MAEA: variants seen among roughly 807,000 people sequenced by gnomAD.
MAEA encodes the protein macrophage erythroblast attacher, E3 ubiquitin ligase.
Under a neutral mutation model 46.2 loss-of-function variants are expected in MAEA, and 22 were observed. The ratio of observed to expected loss-of-function variants is 0.48; its 90% CI spans 0.34 to 0.68. The LOEUF is 0.68. Ranked by LOEUF, MAEA falls within the 30% of genes least tolerant of loss-of-function variation. The pLI, the probability that MAEA is intolerant of heterozygous loss-of-function variation, is 0.01. For synonymous variants in MAEA, 246 were observed against 222.6 expected, an observed-to-expected ratio of 1.11 and a Z score of -0.94; for missense variants, 393 against 558.1, an observed-to-expected ratio of 0.70 and a Z score of 2.98.
intron 1 of MAEA, among the ~76,000 whole-genome samples, chr4:1,303,190 C>A (rs111512809): frequency 7.1e-6 from 1 of 141,258 alleles, no homozygotes; most frequent in Non-Finnish European, 1.5e-5. Context: ...AGATTGAGAC[C>A]GTCCTGGCCA....
chr4:1,318,579 G>T (rs11929975), intron 3 of MAEA, among the ~76,000 whole-genome samples: 1,604 of 152,274 alleles, frequency 0.011, 26 homozygotes, highest in African/African-American at 0.036. Flanking sequence ...GGGTTGCGGG[G>T]GAGGGGTTCT....
intron 2 of MAEA, among the ~76,000 whole-genome samples, chr4:1,314,701 A>G (rs534182112): frequency 6.6e-6 from 1 of 152,366 alleles, no homozygotes; most frequent in East Asian, 1.9e-4. Flanking sequence ...GGAACTGAAG[A>G]AAACAGAGAC....
chr4:1,321,474 C>T (rs971547755), intron 3 of MAEA, among the ~76,000 whole-genome samples: 2 of 151,970 alleles, frequency 1.3e-5, no homozygotes, highest in African/African-American at 4.9e-5. Flanking sequence ...AACAAGAAAT[C>T]ATGAAAGAAA....
intron 1 of MAEA, among the ~76,000 whole-genome samples, chr4:1,294,094 CT>C (rs1416708868): frequency 2.0e-5 from 3 of 152,218 alleles, no homozygotes; most frequent in Non-Finnish European, 4.4e-5. Flanking sequence ...CTGTGGCCGG[CT>C]TTTTCGATGT....
At chr4:1,309,035 G>A (rs986855604) in intron 1 of MAEA, among the ~76,000 whole-genome samples, 5 of 152,090 alleles carry the variant, frequency 3.3e-5, no homozygotes, top group African/African-American at 4.8e-5. Context: ...TATCTTCTGC[G>A]GGCTCATCTC....
chr4:1,309,456 TG>T, intron 1 of MAEA: 1 of 1,314,530 alleles, frequency 7.6e-7, no homozygotes, highest in Non-Finnish European at 9.7e-7. Flanking sequence ...CTGGCTCCTC[TG>T]GGGGGCGTGG....
intron 1 of MAEA, among the ~76,000 whole-genome samples, chr4:1,306,922 G>C (rs992551768): frequency 1.3e-5 from 2 of 152,176 alleles, no homozygotes; most frequent in Non-Finnish European, 2.9e-5. Context: ...GGCTGTTGCA[G>C]AGACTGTCCT....
chr4:1,332,913 A>G, intron 6 of MAEA, 48 bp downstream of exon 6: 2 of 1,452,496 alleles, frequency 1.4e-6, no homozygotes, highest in South Asian at 1.2e-5. Context: ...GTGGGGATCC[A>G]GGGTGTGTCT....
intron 3 of MAEA, 76 bp downstream of exon 3, chr4:1,315,676 C>G (rs978251315): frequency 1.4e-6 from 2 of 1,425,328 alleles, no homozygotes; most frequent in Admixed American, 1.8e-5. Context: ...TGGCATGTCC[C>G]CCGGCATGCC....
intron 5 of MAEA, chr4:1,330,328 C>CTCTCTCTCT (rs1577226687): frequency 2.8e-4 from 45 of 159,310 alleles, no homozygotes; most frequent in African/African-American, 3.4e-4. Flanking sequence ...CTCTCTCTTT[C>CTCTCTCTCT]CGTGTGTGTG....
chr4:1,321,873 G>T (rs866307328), intron 3 of MAEA, among the ~76,000 whole-genome samples: 2,520 of 140,226 alleles, frequency 0.018, 48 homozygotes, highest in South Asian at 0.029. Flanking sequence ...TTTTTTTGTT[G>T]TTTTTTTTTT....
rs184949458 is a variant in MAEA, at chr4:1,334,989, G to C, written c.766-1872G>C. ...CTGAGAAGCTTACAGAGACTGATGG[G>C]TGACGTCCCCTGATGACCACCTCCC... On this transcript the variant is annotated intron_variant, in intron 6 of 8. Coordinates refer to ENST00000303400, the MANE Select transcript of MAEA (RefSeq NM_001017405.3). 1,110 of 985,408 alleles carry C rather than the reference G, an allele frequency of 1.1e-3. 10 individuals are homozygous for C. The African/African-American group carries it at 0.018, about 16-fold the overall frequency. The allele number at this position is 985,408 out of a possible 1,614,324, so 61.0% of individuals were successfully genotyped here.
intron 3 of MAEA, among the ~76,000 whole-genome samples, chr4:1,316,498 G>C (rs779483000): frequency 2.0e-5 from 3 of 152,134 alleles, no homozygotes; most frequent in Non-Finnish European, 2.9e-5. Flanking sequence ...GGCAGGACTT[G>C]TGCGAGAGGA....
chr4:1,308,574 C>T (rs1051380770), intron 1 of MAEA, among the ~76,000 whole-genome samples: 20 of 152,232 alleles, frequency 1.3e-4, no homozygotes, highest in Admixed American at 9.8e-4. Flanking sequence ...CGCTTCCTGC[C>T]GTGGCATAGC....
chr4:1,332,877 G>A lies in MAEA; in HGVS notation c.765+12G>A, dbSNP rs376195472. On this transcript the variant is annotated intron_variant, in intron 6 of 8. Transcript: ENST00000303400. ...TCTCCCCGTACAAGGTAGGGCGTGCGTCCCTGGGGTCGGTGTCATGCTGGG... is the reference window on the plus strand; with the variant it reads ...TCTCCCCGTACAAGGTAGGGCGTGCATCCCTGGGGTCGGTGTCATGCTGGG... The A allele has an allele frequency of 8.5e-5, 135 of 1,590,562 alleles. No homozygotes were observed. Among genetic ancestry groups the A allele is most frequent in the Non-Finnish European group, 1.1e-4 (126 of 1,163,458 alleles).
At chr4:1,310,783 G>A (rs1023221534) in intron 1 of MAEA, among the ~76,000 whole-genome samples, 1 of 152,318 alleles carries the variant, frequency 6.6e-6, no homozygotes, top group Admixed American at 6.5e-5. Context: ...CCGGGGGAAC[G>A]GGCTCAGGGC....
chr4:1,317,854 C>G (rs1011716602), intron 3 of MAEA, among the ~76,000 whole-genome samples: 1 of 152,182 alleles, frequency 6.6e-6, no homozygotes, highest in Non-Finnish European at 1.5e-5. Context: ...CAGGTCATGA[C>G]TCGCAGCCAC....
chr4:1,334,718 GC>G (rs1712521026), intron 6 of MAEA: 1 of 235,988 alleles, frequency 4.2e-6, no homozygotes, highest in African/African-American at 2.3e-5. Context: ...AGGAAAATGG[GC>G]CCCGTTGCCA....
rs141399202 is a variant in MAEA at position 1,315,453 on chromosome 4, C to T, written c.309C>T (p.Ile103=). The change falls in exon 3 of 9, where the codon ATC becomes ATT. Residue 103 remains isoleucine, a synonymous_variant. Coordinates refer to ENST00000303400, the MANE Select transcript of MAEA (RefSeq NM_001017405.3). The part of the protein sequence containing the change: ...DESAKLCKRR[I]EHLKEHSSDQ... ...GCGCCAAGCTGTGCAAGCGCCGGAT[C>T]GAGCACCTCAAAGAGCATAGCAGCG... 366 of 1,613,862 alleles carry T rather than the reference C, an allele frequency of 2.3e-4. No homozygotes were observed. In the African/African-American group the frequency reaches 4.4e-3, roughly 19 times the overall value.
Sources: gnomAD v4.1 joint callset for allele counts (sites outside exome capture counted in the v4.1 genomes callset) on GRCh38, gnomAD v4.1.1 for gene constraint, MANE v1.5 for transcripts, NCBI Gene and HGNC (gene_info 2026-07-23, HGNC 2026-07-21) for gene names.